The following ARB2A variants were observed in gnomAD, a reference collection of about 807,000 sequenced individuals.
ARB2A encodes ARB2 cotranscriptional regulator A, also known as cotranscriptional regulator ARB2A.
At chr5:93,621,247 C>G in the ARB2A span, 1 of 908,848 alleles carries the variant, frequency 1.1e-6, no homozygotes, top group African/African-American at 1.8e-5. Context: ...CTCCCCGCCC[C>G]TCCCGCCTGC....
At chr5:94,086,367 T>C in the ARB2A span, among the ~76,000 whole-genome samples, 1 of 152,116 alleles carries the variant, frequency 6.6e-6, no homozygotes, top group Admixed American at 6.5e-5. Context: ...AGCTGAAAAA[T>C]TCCTACCACC....
At chr5:94,005,757 A>G in the ARB2A span, among the ~76,000 whole-genome samples, 6 of 152,234 alleles carry the variant, frequency 3.9e-5, no homozygotes, top group South Asian at 1.2e-3. Flanking sequence ...TAGGATACAC[A>G]GGTGTTGAGT....
At chr5:93,941,943 T>C in the ARB2A span, among the ~76,000 whole-genome samples, 4 of 152,182 alleles carry the variant, frequency 2.6e-5, no homozygotes, top group South Asian at 2.1e-4. Flanking sequence ...AGTTAATTAG[T>C]TCAGTACTAG....
At chr5:93,757,237 G>T in the ARB2A span, among the ~76,000 whole-genome samples, 2 of 152,094 alleles carry the variant, frequency 1.3e-5, no homozygotes, top group Admixed American at 1.3e-4. Context: ...TATGTTAAAT[G>T]ACCAAGCATG....
chr5:93,946,290 G>C, the ARB2A span, among the ~76,000 whole-genome samples: 4 of 152,068 alleles, frequency 2.6e-5, no homozygotes, highest in Non-Finnish European at 4.4e-5. Flanking sequence ...CTTAGAAAGT[G>C]ACCAGTCAAG....
At chr5:93,717,984 A>G in the ARB2A span, among the ~76,000 whole-genome samples, 1 of 151,716 alleles carries the variant, frequency 6.6e-6, no homozygotes, top group Non-Finnish European at 1.5e-5. Context: ...ACAGGTGCGC[A>G]CCACCATGCC....
At chr5:93,621,143 C>G in the ARB2A span, 1 of 1,593,608 alleles carries the variant, frequency 6.3e-7, no homozygotes, top group Non-Finnish European at 8.5e-7. Flanking sequence ...CAAAGAACAA[C>G]ACATTCGGTT....
the ARB2A span, among the ~76,000 whole-genome samples, chr5:93,687,975 CT>C: frequency 0.21 from 30,506 of 146,788 alleles, 3,565 homozygotes; most frequent in African/African-American, 0.32. Flanking sequence ...CTTTTCTATT[CT>C]TTTTTTTTTT....
At chr5:93,681,881 G>T in the ARB2A span, among the ~76,000 whole-genome samples, 1 of 152,010 alleles carries the variant, frequency 6.6e-6, no homozygotes, top group African/African-American at 2.4e-5. Context: ...AATACAGAGT[G>T]GTTTACAAAA....
chr5:94,021,194 A>C, the ARB2A span, among the ~76,000 whole-genome samples: 1 of 152,246 alleles, frequency 6.6e-6, no homozygotes, highest in East Asian at 1.9e-4. Context: ...GGCAGTACTG[A>C]GAATTTTCAT....
chr5:93,627,920 C>CT, the ARB2A span, among the ~76,000 whole-genome samples: 35 of 149,126 alleles, frequency 2.3e-4, no homozygotes, highest in Non-Finnish European at 3.1e-4. Context: ...TGAAAGAATT[C>CT]TTTTTTTTTT....
chr5:93,763,452 G>A, the ARB2A span, among the ~76,000 whole-genome samples: 1 of 152,126 alleles, frequency 6.6e-6, no homozygotes, highest in Non-Finnish European at 1.5e-5. Context: ...GACAAAGAAG[G>A]CCATTACATA....
At chr5:93,673,727 A>G in the ARB2A span, among the ~76,000 whole-genome samples, 2 of 152,234 alleles carry the variant, frequency 1.3e-5, no homozygotes, top group African/African-American at 4.8e-5. Flanking sequence ...GACTCTGTCT[A>G]GTAAAAGAAG....
chr5:93,866,317 T>C, the ARB2A span: 2 of 974,062 alleles, frequency 2.1e-6, no homozygotes, highest in African/African-American at 1.8e-5. Flanking sequence ...ATTTATATTC[T>C]TCCCCTTAGT....
the ARB2A span, among the ~76,000 whole-genome samples, chr5:93,963,022 G>T: frequency 7.2e-5 from 11 of 152,150 alleles, no homozygotes; most frequent in African/African-American, 2.6e-4. Flanking sequence ...CCTAGAACTA[G>T]AAGTATTATA....
At chr5:93,747,396 G>GT in the ARB2A span, among the ~76,000 whole-genome samples, 2 of 151,744 alleles carry the variant, frequency 1.3e-5, no homozygotes, top group Non-Finnish European at 1.5e-5. Flanking sequence ...TCACACTGAT[G>GT]TTTTTTTTCT....
chr5:93,657,751 A>C, the ARB2A span, among the ~76,000 whole-genome samples: 1 of 152,184 alleles, frequency 6.6e-6, no homozygotes, highest in Non-Finnish European at 1.5e-5. Flanking sequence ...AAGTGGCATT[A>C]AAATGAAATT....
chr5:93,753,281 C>G, the ARB2A span, among the ~76,000 whole-genome samples: 1 of 152,144 alleles, frequency 6.6e-6, no homozygotes, highest in Non-Finnish European at 1.5e-5. Flanking sequence ...TATTCACTAA[C>G]AAAGAAGAGA....
At chr5:93,770,979 A>G in the ARB2A span, among the ~76,000 whole-genome samples, 1 of 152,198 alleles carries the variant, frequency 6.6e-6, no homozygotes, top group Non-Finnish European at 1.5e-5. Context: ...GAACCAAAAA[A>G]GAGCCCACAT....
Sources: gnomAD v4.1 joint callset for allele counts (sites outside exome capture counted in the v4.1 genomes callset) on GRCh38, gnomAD v4.1.1 for gene constraint, MANE v1.5 for transcripts, NCBI Gene and HGNC (gene_info 2026-07-23, HGNC 2026-07-21) for gene names.